MCF2L: variants seen among roughly 807,000 people sequenced by gnomAD.
MCF2L encodes MCF.2 cell line derived transforming sequence like.
MCF2L carries 97 observed loss-of-function variants against 153.4 expected under a neutral mutation model. The observed-to-expected ratio is 0.63, with a 90% CI of 0.54 to 0.75. The LOEUF (loss-of-function observed/expected upper bound fraction) is 0.75, where lower values mean the gene tolerates loss of function less well. Ranked by LOEUF, MCF2L falls within the 30% of genes least tolerant of loss-of-function variation. The probability of loss-of-function intolerance (pLI) is 0.00; values close to 1 mark genes in which losing one functional copy is unlikely to be tolerated. For missense variants in MCF2L, 1,347 were observed against 1,495.2 expected (o/e 0.90, Z 1.64); for synonymous variants, 659 against 632.2 (o/e 1.04, Z -0.64).
At position 113,076,172 on chromosome 13, in the gene MCF2L, G is replaced by A. The variant is rs761861937; in HGVS notation, c.1500+15G>A. ...AAGATCTCATGGTAACGCTGACTCG[G>A]GCTCTCCATTTGCAGCTTGCTGTCC... On this transcript the variant is annotated intron_variant, in intron 12 of 29. Transcript: ENST00000535094. The A allele has an allele frequency of 6.2e-7, 1 of 1,600,200 alleles. No individual in the cohort carries two copies. Among genetic ancestry groups the A allele is most frequent in the Non-Finnish European group, 8.5e-7 (1 of 1,171,212 alleles).
Position 113,045,374 on chromosome 13 carries a change from C to G in MCF2L, c.369+13C>G. ...CCTGCGCATCGCAGTAAGTGCCACC[C>G]GGGGCTCTGCCCTGCGCCCGGCCCC... On this transcript the variant is annotated intron_variant, in intron 4 of 29. Transcript: ENST00000535094. The surrounding 1 kb of genome is among the most constrained non-coding windows in gnomAD (Gnocchi z 4.2). The G allele has an allele frequency of 6.2e-7, 1 of 1,610,656 alleles. No homozygotes were observed. The highest frequency in any genetic ancestry group is 8.5e-7 in the Non-Finnish European group (1 of 1,177,194).
Position 112,902,737 on chromosome 13 carries a change from T to C in MCF2L, c.169+366T>C, listed in dbSNP as rs568659403. ...GGAACAATTTGTAGGCTTTGCTTCA[T>C]TCTTTAGAAACAAAAGAGCTATTGT... On this transcript the variant is annotated intron_variant, in intron 2 of 29. Transcript: ENST00000375608. 9.2e-4 allele frequency among the ~76,000 whole-genome samples: 140 copies of C among 152,372 alleles called. 1 individual carries two copies. Among genetic ancestry groups the C allele is most frequent in the Non-Finnish European group, 8.1e-4 (55 of 68,032 alleles).
intron 3 of MCF2L, among the ~76,000 whole-genome samples, chr13:113,032,946 C>CGTGAGTGGACCCCGTGAT (rs1450219270): frequency 1.3e-5 from 2 of 151,840 alleles, no homozygotes; most frequent in Admixed American, 6.6e-5. Flanking sequence ...GCCCCCGTGA[C>CGTGAGTGGACCCCGTGAT]GTGAGTGGAC....
chr13:113,047,824 C>T (rs538679612), intron 4 of MCF2L, among the ~76,000 whole-genome samples: 122 of 152,202 alleles, frequency 8.0e-4, no homozygotes, highest in African/African-American at 2.8e-3. Context: ...GCTCACACCT[C>T]GCTACGCGTG....
intron 8 of MCF2L, among the ~76,000 whole-genome samples, chr13:113,069,799 C>T (rs965475206): frequency 6.6e-6 from 1 of 152,182 alleles, no homozygotes; most frequent in African/African-American, 2.4e-5. Flanking sequence ...TCAGCCTAGT[C>T]GCAGTGACCT....
intron 27 of MCF2L, 186 bp downstream of exon 27, chr13:113,094,821 C>A: frequency 9.5e-7 from 1 of 1,050,286 alleles, no homozygotes. Flanking sequence ...TCTGGAAGGT[C>A]CACCCAGACC....
Position 113,012,085 on chromosome 13 carries a change from A to G in MCF2L, c.80-2678A>G, listed in dbSNP as rs962673245. On this transcript the variant is annotated intron_variant, in intron 1 of 29. Coordinates refer to ENST00000535094, the MANE Select transcript of MCF2L (RefSeq NM_001112732.3). ...TGAATGGTGGACAGGTGGTGTGGAC[A>G]GTGGACACTGCAGTGTGGATGGTGG... is the stretch of plus-strand genomic sequence containing the variant. 6.7e-3 allele frequency among the ~76,000 whole-genome samples: 558 copies of G among 83,216 alleles called. 54 individuals are homozygous for G. The highest frequency in any genetic ancestry group is 0.024 in the Admixed American group (186 of 7,728). 54.6% of individuals were successfully genotyped at this position (83,216 alleles called of 152,430 possible).
chr13:113,078,422 T>C lies in MCF2L; in HGVS notation c.1720T>C (p.Tyr574His), dbSNP rs748430788. ...SEGGALRRGP[Y>H]RRAKSEMSES... is the part of the protein sequence containing the mutation. ...GGGCGGTGCGCTCCGGAGAGGGCCC[T>C]ACCGGAGGGCCAAGGTGAGGCTTGC... Residue 574 changes from tyrosine to histidine, a missense_variant, in exon 14 of 30, where the codon TAC becomes CAC. By Grantham distance (83) the Tyr-to-His change is moderately conservative. This residue lies in a region of MCF2L where 820 missense variants were observed against 921.2 expected (regional missense o/e 0.89). Transcript: ENST00000535094. 1 of 1,610,880 alleles carries C rather than the reference T, an allele frequency of 6.2e-7. No homozygotes were observed. The highest frequency in any genetic ancestry group is 1.7e-5 in the Admixed American group (1 of 59,894).
rs986305135 is a variant in MCF2L at position 112,987,427 on chromosome 13, C to T, written c.79+17969C>T. Among the ~76,000 whole-genome samples, 7 of 152,248 alleles carry T rather than the reference C, an allele frequency of 4.6e-5. No homozygotes were observed. The East Asian group carries it at 1.3e-3, about 29-fold the overall frequency. On this transcript the variant is annotated intron_variant, in intron 1 of 29. Transcript: ENST00000535094. ...TTGCTTTTCACTCACTGCTCACACT[C>T]CCTTCCTCAGACAAATTAAAACCAA...
In MCF2L at chr13:112,987,547, G is replaced by A. The variant is rs1393917020; in HGVS notation, c.79+18089G>A. Among the ~76,000 whole-genome samples, 2 of 152,350 alleles carry A rather than the reference G, an allele frequency of 1.3e-5. 1 individual carries two copies. Among genetic ancestry groups the A allele is most frequent in the South Asian group, 4.1e-4 (2 of 4,820 alleles). On this transcript the variant is annotated intron_variant, in intron 1 of 29. Coordinates refer to ENST00000535094, the MANE Select transcript of MCF2L (RefSeq NM_001112732.3). Reference sequence around the variant, plus strand: ...AGATTTTAGCTGCTCTGCCCAAAACGGTCTGGCAGACTAAGGAGGAGGCCG... The same window carrying A: ...AGATTTTAGCTGCTCTGCCCAAAACAGTCTGGCAGACTAAGGAGGAGGCCG...
intron 22 of MCF2L, 71 bp from the exon 23 acceptor site, chr13:113,087,636 C>A: frequency 7.3e-7 from 1 of 1,371,638 alleles, no homozygotes; most frequent in Non-Finnish European, 1.0e-6. Context: ...CGTGCCTGCA[C>A]CAACACCTTT....
chr13:113,078,670 A>C lies in MCF2L; in HGVS notation c.1739A>C (p.Glu580Ala). The C allele has an allele frequency of 6.2e-7, 1 of 1,612,014 alleles. No individual in the cohort carries two copies. Among genetic ancestry groups the C allele is most frequent in the Non-Finnish European group, 8.5e-7 (1 of 1,179,648 alleles). Residue 580 changes from glutamate to alanine, a missense_variant, in exon 15 of 30, where the codon GAG (glutamate) becomes GCG (alanine). Physicochemically the swap from Glu to Ala is moderately radical, Grantham distance 107 (BLOSUM62 -1). This residue lies in a region of MCF2L where 820 missense variants were observed against 921.2 expected (regional missense o/e 0.89). Transcript: ENST00000535094. Reference sequence around the variant, plus strand: ...TGACGCTGTTTTTCTCCCCAGAGTGAGATGAGTGAGAGCCGGCAGGGCCGC... The same window carrying C: ...TGACGCTGTTTTTCTCCCCAGAGTGCGATGAGTGAGAGCCGGCAGGGCCGC... ...RRGPYRRAKS[E>A]MSESRQGRGS... is the part of the protein sequence containing the mutation.
intron 2 of MCF2L, among the ~76,000 whole-genome samples, chr13:112,953,345 G>C (rs774503028): frequency 1.3e-5 from 2 of 152,196 alleles, no homozygotes; most frequent in Non-Finnish European, 2.9e-5. Context: ...TCTCACTGAA[G>C]GAGCTCCCAG....
At chr13:112,961,136 A>G (rs1165582294) in intron 2 of MCF2L, among the ~76,000 whole-genome samples, 1 of 96,734 alleles carries the variant, frequency 1.0e-5, no homozygotes, top group African/African-American at 3.3e-5. Context: ...CCTGTTCTCC[A>G]CGTGTGTCCA....
rs371574129 is a variant in MCF2L at position 112,979,800 on chromosome 13, T to C, written c.79+10342T>C. ...TCGCAGGGCATGGGGGCAGGTGCTGTGTCCCCTCTGCAGGTGTCCTCTCTG... is the reference window on the plus strand; with the variant it reads ...TCGCAGGGCATGGGGGCAGGTGCTGCGTCCCCTCTGCAGGTGTCCTCTCTG... On this transcript the variant is annotated intron_variant, in intron 1 of 29. Transcript: ENST00000535094. The C allele has an allele frequency of 1.9e-3, 2,997 of 1,571,076 alleles. 4 individuals are homozygous for C. Among genetic ancestry groups the C allele is most frequent in the Non-Finnish European group, 2.4e-3 (2,791 of 1,155,886 alleles).
intron 22 of MCF2L, 21 bp from the exon 23 acceptor site, chr13:113,087,686 A>T: frequency 1.2e-6 from 2 of 1,603,828 alleles, no homozygotes; most frequent in African/African-American, 1.3e-5. Flanking sequence ...CGCGAACCCC[A>T]TCTCCACTCT....
chr13:112,910,438 T>A (rs910863825), intron 2 of MCF2L: 1 of 152,214 alleles, frequency 6.6e-6, no homozygotes, highest in Admixed American at 6.5e-5. Flanking sequence ...ATTACAGCAG[T>A]AAGGGTTTGG....
chr13:112,996,806 G>A (rs115741515), intron 1 of MCF2L, among the ~76,000 whole-genome samples: 3,316 of 152,264 alleles, frequency 0.022, 132 homozygotes, highest in African/African-American at 0.077. Flanking sequence ...TGGCAGTGCC[G>A]CCCACGGCAC....
chr13:113,075,073 T>C lies in MCF2L; in HGVS notation c.1192T>C (p.Ser398Pro). 1.2e-6 allele frequency: 2 copies of C among 1,613,758 alleles called. No homozygotes were observed. Residue 398 changes from serine to proline, a missense_variant, in exon 11 of 30, where the codon TCC becomes CCC. Physicochemically the swap from Ser to Pro is moderately conservative, Grantham distance 74. Around this residue, in one of 3 missense-constraint regions of MCF2L, gnomAD observed 820 missense variants for 921.2 expected, o/e 0.89. Coordinates refer to ENST00000535094, the MANE Select transcript of MCF2L (RefSeq NM_001112732.3). Reference protein sequence around the residue: ...LIGNKHYAVDSIRPKCQELRH... With the variant: ...LIGNKHYAVDPIRPKCQELRH... ...TGGGAACAAGCACTACGCGGTAGAC[T>C]CCATCCGCCCAAAGTGCCAGGAGCT...
Sources: allele counts gnomAD v4.1 joint callset (sites outside exome capture counted in the v4.1 genomes callset), GRCh38; gene constraint gnomAD v4.1.1; regional missense constraint gnomAD v4.1.1; non-coding constraint Gnocchi (gnomAD v3.1); transcripts MANE v1.5; gene names NCBI Gene and HGNC (gene_info 2026-07-23, HGNC 2026-07-21).